The following EVL variants were observed in gnomAD, a reference collection of about 807,000 sequenced individuals.
The protein encoded by EVL is Enah/Vasp-like, also known as ena/VASP-like protein.
Under a neutral mutation model 59.6 loss-of-function variants are expected in EVL, and 21 were observed. The observed-to-expected ratio is 0.35, with a 90% CI of 0.25 to 0.51. The LOEUF (loss-of-function observed/expected upper bound fraction) is 0.51. EVL is among the 20% of genes least tolerant of loss of function. EVL has a pLI of 0.97. For missense variants in EVL, 462 were observed against 546.6 expected, an observed-to-expected ratio of 0.85 and a Z score of 1.54; for synonymous variants, 198 against 203.5, an observed-to-expected ratio of 0.97 and a Z score of 0.23.
chr14:100,028,934 A>G (rs1337753217), intron 1 of EVL, among the ~76,000 whole-genome samples: 2 of 152,244 alleles, frequency 1.3e-5, no homozygotes, highest in Non-Finnish European at 2.9e-5. Flanking sequence ...AATGTAAGCT[A>G]TGACTGTCAC....
At chr14:100,103,344 T>C (rs992278051) in intron 3 of EVL, among the ~76,000 whole-genome samples, 1 of 152,034 alleles carries the variant, frequency 6.6e-6, no homozygotes, top group Non-Finnish European at 1.5e-5. Context: ...CCTGTAGGGA[T>C]TGGATGCCAA....
At chr14:100,120,134 T>A (rs1887603333) in intron 3 of EVL, among the ~76,000 whole-genome samples, 1 of 152,204 alleles carries the variant, frequency 6.6e-6, no homozygotes, top group Non-Finnish European at 1.5e-5. Context: ...AGGGCATCGT[T>A]ACACTGCTGC....
chr14:100,061,460 CAAA>C (rs869039779), upstream of EVL, among the ~76,000 whole-genome samples: 5,132 of 64,444 alleles, frequency 0.08, 177 homozygotes, highest in African/African-American at 0.17. Flanking sequence ...CCTCAGGCTG[CAAA>C]AAAAAAAAAA....
At position 100,128,583 on chromosome 14, in the gene EVL, TCC is replaced by T; in HGVS notation, c.553_554del (p.Pro185ThrfsTer112). 1 of 1,579,766 alleles carries T rather than the reference TCC, an allele frequency of 6.3e-7. No individual in the cohort carries two copies. The highest frequency in any genetic ancestry group is 8.7e-7 in the Non-Finnish European group (1 of 1,155,632). On this transcript the variant is annotated frameshift_variant, in exon 6 of 14. Coordinates refer to ENST00000392920, the MANE Select transcript of EVL (RefSeq NM_016337.3). LOFTEE classifies it high-confidence loss of function. ...ASAPVSCSGP[P>X]PPPPPPVPPP... is the part of the protein sequence containing the mutation. ...GCGCCCCCGTCTCATGTAGTGGGCC[TCC>T]ACCGCCCCCCCCACCCCCAGTCCCA...
At chr14:100,119,190 G>A (rs1566712734) in intron 3 of EVL, among the ~76,000 whole-genome samples, 1 of 152,210 alleles carries the variant, frequency 6.6e-6, no homozygotes, top group Non-Finnish European at 1.5e-5. Flanking sequence ...GGCATGATGG[G>A]TTCTTTTATT....
chr14:100,099,492 C>T (rs1278577170), intron 3 of EVL, among the ~76,000 whole-genome samples: 4 of 152,214 alleles, frequency 2.6e-5, no homozygotes, highest in Admixed American at 1.3e-4. Context: ...GTACTGGCAG[C>T]TTTCCCTATC....
At chr14:100,047,915 T>C (rs905043435) in intron 1 of EVL, among the ~76,000 whole-genome samples, 1 of 152,202 alleles carries the variant, frequency 6.6e-6, no homozygotes, top group East Asian at 1.9e-4. Context: ...TTGGACACCC[T>C]TATGCAAAAA....
chr14:100,006,615 C>T (rs2060983770), intron 1 of EVL, among the ~76,000 whole-genome samples: 2 of 151,948 alleles, frequency 1.3e-5, no homozygotes, highest in Non-Finnish European at 2.9e-5. Context: ...CCAAGACGAA[C>T]CCCAATTCAG....
At chr14:100,117,916 G>A (rs1887452816) in intron 3 of EVL, among the ~76,000 whole-genome samples, 1 of 152,200 alleles carries the variant, frequency 6.6e-6, no homozygotes, top group East Asian at 1.9e-4. Context: ...TCGCCCAGTG[G>A]CTGGAGATGC....
In EVL at chr14:100,078,452, G is replaced by A. The variant is rs1328146435; in HGVS notation, c.12-6235G>A. ...GGCTCACTAATGGGCCCAGTGACTCGAGAGCCGGAAAGCACACATTGGAGC... is the reference window on the plus strand; with the variant it reads ...GGCTCACTAATGGGCCCAGTGACTCAAGAGCCGGAAAGCACACATTGGAGC... On this transcript the variant is annotated intron_variant, in intron 1 of 13. Coordinates refer to ENST00000392920, the MANE Select transcript of EVL (RefSeq NM_016337.3). 5.3e-5 allele frequency among the ~76,000 whole-genome samples: 8 copies of A among 152,184 alleles called. No homozygotes were observed. The South Asian group carries it at 1.0e-3, about 20-fold the overall frequency.
rs561830551 is a variant in EVL, at chr14:100,069,591, G to A, written c.11+4080G>A. Among the ~76,000 whole-genome samples the A allele has an allele frequency of 3.3e-5, 5 of 152,266 alleles. No individual in the cohort carries two copies. The East Asian group carries it at 9.6e-4, about 29-fold the overall frequency. On this transcript the variant is annotated intron_variant, in intron 1 of 13. Transcript: ENST00000392920. ...CTCCATGGGAACCCGCACTTCCCTA[G>A]AGACCTGTAGCCAAATCATTTGGAG...
intron 1 of EVL, among the ~76,000 whole-genome samples, chr14:100,047,812 G>A (rs1021869425): frequency 6.6e-6 from 1 of 152,138 alleles, no homozygotes; most frequent in African/African-American, 2.4e-5. Flanking sequence ...TCCAGAAATA[G>A]GTCCCGACAA....
intron 3 of EVL, among the ~76,000 whole-genome samples, chr14:100,121,524 G>T (rs73349556): frequency 6.6e-6 from 1 of 152,206 alleles, no homozygotes; most frequent in African/African-American, 2.4e-5. Flanking sequence ...CAAGCCTTAC[G>T]TAATCAGTGC....
At chr14:100,015,093 T>C (rs1595563585) in intron 1 of EVL, among the ~76,000 whole-genome samples, 3 of 152,354 alleles carry the variant, frequency 2.0e-5, no homozygotes, top group Non-Finnish European at 2.9e-5. Context: ...ACGTCCATCA[T>C]GGCTGTGTGC....
Position 99,992,810 on chromosome 14 carries a change from A to G in EVL, c.5+20753A>G, listed in dbSNP as rs190863787. 1.1e-3 allele frequency among the ~76,000 whole-genome samples: 174 copies of G among 152,266 alleles called. 2 individuals are homozygous for G. Among genetic ancestry groups the G allele is most frequent in the East Asian group, 7.7e-4 (4 of 5,180 alleles). ...ATCTTTCATCCTTTCACTATTGAGT[A>G]TGATGTTAACTGTGAGCTTTTCCTA... On this transcript the variant is annotated intron_variant, in intron 1 of 13. Transcript: ENST00000402714.
intron 1 of EVL, among the ~76,000 whole-genome samples, chr14:99,999,863 C>T (rs1186786914): frequency 6.6e-6 from 1 of 152,166 alleles, no homozygotes; most frequent in East Asian, 1.9e-4. Flanking sequence ...GCAAAAGGGG[C>T]TCTGTGCTCA....
upstream of EVL, among the ~76,000 whole-genome samples, chr14:100,060,989 C>T (rs2061818254): frequency 6.7e-6 from 1 of 149,456 alleles, no homozygotes; most frequent in Non-Finnish European, 1.5e-5. Context: ...AAAAAAAAAC[C>T]TCAGTATTCT....
chr14:100,113,593 A>G (rs564327155), intron 3 of EVL, among the ~76,000 whole-genome samples: 18 of 152,210 alleles, frequency 1.2e-4, no homozygotes, highest in Admixed American at 1.0e-3. Context: ...AGGGAAATCA[A>G]GGAAGGAATG....
At chr14:100,116,524 G>A (rs892817647) in intron 3 of EVL, among the ~76,000 whole-genome samples, 1 of 152,162 alleles carries the variant, frequency 6.6e-6, no homozygotes, top group African/African-American at 2.4e-5. Flanking sequence ...AAATGTTCAG[G>A]GGTGGCCAAG....
Sources: allele counts gnomAD v4.1 joint callset (sites outside exome capture counted in the v4.1 genomes callset), GRCh38; gene constraint gnomAD v4.1.1; transcripts MANE v1.5; gene names NCBI Gene and HGNC (gene_info 2026-07-23, HGNC 2026-07-21).